The following GAS7 variants were observed in gnomAD, a reference collection of about 807,000 sequenced individuals.
The protein encoded by GAS7 is growth arrest-specific protein 7.
Under a neutral mutation model 71.1 loss-of-function variants are expected in GAS7, and 28 were observed. The observed-to-expected ratio is 0.39, with a 90% confidence interval of 0.29 to 0.54. The LOEUF (loss-of-function observed/expected upper bound fraction) is 0.54, where lower values mean the gene tolerates loss of function less well. Ranked by LOEUF, GAS7 falls within the 20% of genes least tolerant of loss-of-function variation. GAS7 has a pLI of 0.62. For synonymous variants in GAS7, 258 were observed against 245.8 expected, an observed-to-expected ratio of 1.05 and a Z score of -0.46; for missense variants, 436 against 627.8, an observed-to-expected ratio of 0.69 and a Z score of 3.27.
chr17:9,971,772 G>A (rs1396311057), intron 3 of GAS7, among the ~76,000 whole-genome samples: 5 of 152,192 alleles, frequency 3.3e-5, no homozygotes, highest in Non-Finnish European at 4.4e-5. Context: ...TCCAACTCAT[G>A]ATTCTTCTAG....
At chr17:10,117,064 G>GA (rs2073867682) in intron 1 of GAS7, among the ~76,000 whole-genome samples, 1 of 152,170 alleles carries the variant, frequency 6.6e-6, no homozygotes, top group African/African-American at 2.4e-5. Context: ...TCAAAAGTCT[G>GA]AAACAGGTTT....
intron 1 of GAS7, 138 bp from the exon 2 acceptor site, chr17:10,020,035 A>T (rs2072202861): frequency 2.5e-6 from 2 of 785,822 alleles, no homozygotes; most frequent in Non-Finnish European, 4.2e-6. Flanking sequence ...CCCTGAGGTC[A>T]GAGGCAGCAC....
chr17:9,957,602 T>C lies in GAS7; in HGVS notation c.525+1600A>G, dbSNP rs1308013203. Among the ~76,000 whole-genome samples the C allele has an allele frequency of 2.2e-5, 3 of 137,878 alleles. No individual in the cohort carries two copies. In the East Asian group the frequency reaches 8.0e-4, roughly 37 times the overall value. 90.5% of individuals were successfully genotyped at this position (137,878 alleles called of 152,430 possible). A position where few individuals can be genotyped will look rare whatever the true frequency, so the allele number is the denominator to read the frequency against. The stretch of plus-strand genomic sequence containing the variant: ...CCCCCCCTTTCTCCTCCCCCTCCTT[T>C]TTATGTATTTCAGAAGACTCTGGAG... On this transcript the variant is annotated intron_variant, in intron 5 of 13. Transcript: ENST00000432992.
intron 2 of GAS7, among the ~76,000 whole-genome samples, chr17:10,009,318 CAAAAA>C (rs541133967): frequency 1.3e-5 from 1 of 78,568 alleles, no homozygotes. Context: ...GAGACTCCGT[CAAAAA>C]AAAAAAAAAA....
chr17:10,002,077 C>T (rs945135395), intron 2 of GAS7, among the ~76,000 whole-genome samples: 1 of 151,690 alleles, frequency 6.6e-6, no homozygotes, highest in Non-Finnish European at 1.5e-5. Flanking sequence ...TAGTGTGGGG[C>T]GGGGGAAGTG....
At chr17:10,080,219 T>C (rs1263878884) in intron 1 of GAS7, among the ~76,000 whole-genome samples, 2 of 152,164 alleles carry the variant, frequency 1.3e-5, no homozygotes, top group Non-Finnish European at 2.9e-5. Flanking sequence ...ACGCTAATTA[T>C]AATGTATTAG....
intron 2 of GAS7, among the ~76,000 whole-genome samples, chr17:10,009,958 T>G (rs934224652): frequency 1.3e-5 from 2 of 152,152 alleles, no homozygotes. Context: ...ACTCAGTTAT[T>G]CTCATTCCAA....
At chr17:10,021,356 C>A (rs201699629) in intron 1 of GAS7, among the ~76,000 whole-genome samples, 1 of 149,388 alleles carries the variant, frequency 6.7e-6, no homozygotes, top group African/African-American at 2.4e-5. Flanking sequence ...GCTACTCTCA[C>A]GCTTTGTGAA....
chr17:10,003,257 C>G lies in GAS7; in HGVS notation c.304+16520G>C, dbSNP rs1427717971. ...GTTCCGCAGCAGAGACCGCAGGTGT[C>G]TGGCATGGCCCAGAGGGGCAGTAAA... is the stretch of plus-strand genomic sequence containing the variant. On this transcript the variant is annotated intron_variant, in intron 2 of 13. Transcript: ENST00000432992. 2.6e-4 allele frequency among the ~76,000 whole-genome samples: 40 copies of G among 152,186 alleles called. 1 individual carries two copies. The highest frequency in any genetic ancestry group is 1.5e-5 in the Non-Finnish European group (1 of 68,044).
At chr17:10,106,184 C>G (rs1373526363) in intron 1 of GAS7, among the ~76,000 whole-genome samples, 1 of 152,196 alleles carries the variant, frequency 6.6e-6, no homozygotes, top group Non-Finnish European at 1.5e-5. Context: ...CATGCGTATT[C>G]CTACCTCGGT....
At chr17:10,001,134 C>A (rs1258513224) in intron 2 of GAS7, among the ~76,000 whole-genome samples, 1 of 152,038 alleles carries the variant, frequency 6.6e-6, no homozygotes, top group African/African-American at 2.4e-5. Flanking sequence ...GTAGCAACAC[C>A]CCAAAATACA....
intron 1 of GAS7, among the ~76,000 whole-genome samples, chr17:10,043,614 T>G (rs11078826): frequency 2.0e-5 from 3 of 151,912 alleles, no homozygotes; most frequent in African/African-American, 7.3e-5. Context: ...AAAAATAAAA[T>G]GTTAAGAAAA....
At chr17:10,134,462 A>G (rs1249232012) in intron 1 of GAS7, among the ~76,000 whole-genome samples, 1 of 152,192 alleles carries the variant, frequency 6.6e-6, no homozygotes, top group Non-Finnish European at 1.5e-5. Flanking sequence ...ATCCCTGGAT[A>G]GTATGGTAAT....
chr17:10,039,807 C>T (rs566991838), intron 1 of GAS7: 2 of 452,832 alleles, frequency 4.4e-6, no homozygotes, highest in Admixed American at 2.4e-5. Context: ...TAATGTCAAT[C>T]GAGGGATTTT....
At position 10,103,509 on chromosome 17, in the gene GAS7, C is replaced by A. The variant is rs899463197; in HGVS notation, c.184-83612G>T. Among the ~76,000 whole-genome samples the A allele has an allele frequency of 1.3e-5, 2 of 151,968 alleles. No individual in the cohort carries two copies. The highest frequency in any genetic ancestry group is 4.8e-5 in the African/African-American group (2 of 41,396). ...TTTCTCAGATGATGGGAAATGTTTT[C>A]TCTCACACTTCACTTAGAAAGATAG... is the stretch of plus-strand genomic sequence containing the variant. On this transcript the variant is annotated intron_variant, in intron 1 of 13. Coordinates refer to ENST00000432992, the MANE Select transcript of GAS7 (RefSeq NM_201433.2). The surrounding 1 kb of genome is among the most constrained non-coding windows in gnomAD (Gnocchi z 5.5).
chr17:10,000,625 G>C (rs983733236), intron 2 of GAS7, among the ~76,000 whole-genome samples: 2 of 152,192 alleles, frequency 1.3e-5, no homozygotes, highest in Non-Finnish European at 2.9e-5. Context: ...AAAGTTCCTT[G>C]AGATTTTCAT....
At chr17:10,100,772 T>C (rs2073690838) in intron 1 of GAS7, among the ~76,000 whole-genome samples, 1 of 152,212 alleles carries the variant, frequency 6.6e-6, no homozygotes. Context: ...AGAAAGTTTT[T>C]AGAGTCAGAA....
intron 1 of GAS7, among the ~76,000 whole-genome samples, chr17:10,064,919 C>T (rs776649809): frequency 2.6e-5 from 4 of 152,226 alleles, no homozygotes; most frequent in Non-Finnish European, 5.9e-5. Context: ...CCTCAAACTC[C>T]TAGGCTCAAG....
intron 11 of GAS7, among the ~76,000 whole-genome samples, chr17:9,921,157 CTTTT>C (rs962798348): frequency 2.2e-5 from 3 of 137,410 alleles, no homozygotes; most frequent in Non-Finnish European, 3.2e-5. Flanking sequence ...GCATTTTTTT[CTTTT>C]TTTTTTTTTT....
Sources: gnomAD v4.1 joint callset for allele counts (sites outside exome capture counted in the v4.1 genomes callset) on GRCh38, gnomAD v4.1.1 for gene constraint, Gnocchi (gnomAD v3.1) non-coding constraint, MANE v1.5 for transcripts, NCBI Gene and HGNC (gene_info 2026-07-23, HGNC 2026-07-21) for gene names.